The following GRIK4 variants were observed in gnomAD, a reference collection of about 807,000 sequenced individuals.
GRIK4 encodes glutamate receptor ionotropic, kainate 4.
In GRIK4, 40 loss-of-function variants were observed where a neutral mutation model predicts 104.9. The observed-to-expected ratio is 0.38, with a 90% confidence interval of 0.30 to 0.50. GRIK4 has a LOEUF of 0.50. GRIK4 is among the 20% of genes least tolerant of loss of function. GRIK4 has a pLI of 0.93. For synonymous variants in GRIK4, 485 were observed against 524.9 expected, an observed-to-expected ratio of 0.92 and a Z score of 1.04; for missense variants, 1,047 against 1,308.1, an observed-to-expected ratio of 0.80 and a Z score of 3.08.
chr11:120,791,208 G>A (rs1253306573), intron 3 of GRIK4, among the ~76,000 whole-genome samples: 1 of 152,150 alleles, frequency 6.6e-6, no homozygotes, highest in African/African-American at 2.4e-5. Context: ...AGGAAGGGGA[G>A]CGAGGGAAGA....
Position 120,905,992 on chromosome 11 carries a change from T to C in GRIK4, c.1476+499T>C, listed in dbSNP as rs1410752913. 6.6e-6 allele frequency among the ~76,000 whole-genome samples: 1 copy of C among 152,164 alleles called. No individual in the cohort carries two copies. The highest frequency in any genetic ancestry group is 1.5e-5 in the Non-Finnish European group (1 of 68,016). On this transcript the variant is annotated intron_variant, in intron 13 of 20. Coordinates refer to ENST00000527524, the MANE Select transcript of GRIK4 (RefSeq NM_014619.5). The surrounding 1 kb of genome is among the most constrained non-coding windows in gnomAD (Gnocchi z 5.1). The stretch of plus-strand genomic sequence containing the variant: ...TACAGTTATTTTCGTACATCTTGTG[T>C]TATCTTTGGTTAGCGTTAATGTCCT...
chr11:120,702,136 A>G (rs1013931832), intron 3 of GRIK4, among the ~76,000 whole-genome samples: 2 of 152,024 alleles, frequency 1.3e-5, no homozygotes, highest in Non-Finnish European at 2.9e-5. Flanking sequence ...TTGTATTTTT[A>G]GTAGAGATGG....
intron 1 of GRIK4, among the ~76,000 whole-genome samples, chr11:120,606,539 C>T (rs1395240765): frequency 6.6e-6 from 1 of 152,244 alleles, no homozygotes; most frequent in Non-Finnish European, 1.5e-5. Context: ...TGAGCACACT[C>T]ATTCCGTCCA....
chr11:120,893,259 C>T (rs7103391), intron 11 of GRIK4, among the ~76,000 whole-genome samples: 4,113 of 152,254 alleles, frequency 0.027, 178 homozygotes, highest in African/African-American at 0.091. Context: ...AATTTATATC[C>T]ACCTGTGTCC....
At chr11:120,562,934 G>A (rs1462617151) in intron 1 of GRIK4, among the ~76,000 whole-genome samples, 2 of 152,214 alleles carry the variant, frequency 1.3e-5, no homozygotes, top group African/African-American at 4.8e-5. Context: ...CCAGCTGCCT[G>A]GTGGCAGTGG....
intron 3 of GRIK4, among the ~76,000 whole-genome samples, chr11:120,801,956 C>T (rs1952628530): frequency 6.6e-6 from 1 of 152,226 alleles, no homozygotes; most frequent in Non-Finnish European, 1.5e-5. Context: ...AACATTTATC[C>T]TTAACACTGC....
intron 1 of GRIK4, among the ~76,000 whole-genome samples, chr11:120,596,367 TG>T (rs1948801504): frequency 6.6e-6 from 1 of 152,016 alleles, no homozygotes; most frequent in Non-Finnish European, 1.5e-5. Flanking sequence ...AAATGCAACG[TG>T]ATGAGTGTGG....
chr11:120,930,005 G>T (rs950138731), intron 13 of GRIK4, among the ~76,000 whole-genome samples: 4 of 136,540 alleles, frequency 2.9e-5, no homozygotes, highest in East Asian at 2.3e-4. Flanking sequence ...CCACGTTTGG[G>T]GGGGGGGTCC....
chr11:120,621,207 T>C (rs1949183650), intron 1 of GRIK4, among the ~76,000 whole-genome samples: 1 of 152,102 alleles, frequency 6.6e-6, no homozygotes, highest in Admixed American at 6.6e-5. Context: ...GTGGGCACGG[T>C]GAGTCTGCAG....
intron 1 of GRIK4, among the ~76,000 whole-genome samples, chr11:120,595,688 C>A (rs1362838825): frequency 6.6e-6 from 1 of 152,182 alleles, no homozygotes; most frequent in Non-Finnish European, 1.5e-5. Flanking sequence ...AACAGCTCTC[C>A]TCCTTCACCC....
In GRIK4 at chr11:120,728,318, A is replaced by T. The variant is rs74486410; in HGVS notation, c.82+67918A>T. Among the ~76,000 whole-genome samples, 26 of 152,300 alleles carry T rather than the reference A, an allele frequency of 1.7e-4. No individual in the cohort carries two copies. In the South Asian group the frequency reaches 4.6e-3, roughly 27 times the overall value. On this transcript the variant is annotated intron_variant, in intron 3 of 20. Coordinates refer to ENST00000527524, the MANE Select transcript of GRIK4 (RefSeq NM_014619.5). ...AACATGAGCCAAGGATTTTATATTC[A>T]GTAAAATCGACCTTCAAGTGTGAAG...
rs1377111124 is a variant in GRIK4, at chr11:120,905,395, C to T, written c.1378C>T (p.Arg460Ter). The T allele has an allele frequency of 1.9e-6, 3 of 1,613,944 alleles. No homozygotes were observed. The highest frequency in any genetic ancestry group is 1.1e-5 in the South Asian group (1 of 91,070). ...DMLKELAEIL[R>*]FNYKIRLVGD... ...GCTCAAGGAGCTGGCAGAGATCCTC[C>T]GATTCAACTACAAGATCCGCCTGGT... Residue 460 changes from arginine to a stop codon, truncating the protein, a stop_gained, in exon 13 of 21, where the codon CGA becomes TGA. Coordinates refer to ENST00000527524, the MANE Select transcript of GRIK4 (RefSeq NM_014619.5). LOFTEE classifies it high-confidence loss of function. This position sits in a 1 kb window ranked among gnomAD's most constrained non-coding sequence, Gnocchi z 5.1.
chr11:120,712,348 G>A (rs1004055449), intron 3 of GRIK4, among the ~76,000 whole-genome samples: 1 of 152,126 alleles, frequency 6.6e-6, no homozygotes, highest in African/African-American at 2.4e-5. Flanking sequence ...AAGAAACCAG[G>A]CCTGCTGGCC....
chr11:120,660,389 C>A lies in GRIK4; in HGVS notation c.71C>A (p.Ser24Tyr), dbSNP rs201814702. ...GTGATGGTCGCCTGCAGCCCGCACT[C>A]CTTGAGGATCGGTAAGTGTGGCCCA... ...WLVMVACSPH[S>Y]LRIAAILDDP... Residue 24 changes from serine (S) to tyrosine (Y), a missense_variant, in exon 3 of 21, where the codon TCC (serine) becomes TAC (tyrosine). By Grantham distance (144) the Ser-to-Tyr change is moderately radical (BLOSUM62 -2). This residue lies in a region of GRIK4 where 447 missense variants were observed against 514.9 expected (regional missense o/e 0.87). Coordinates refer to ENST00000527524, the MANE Select transcript of GRIK4 (RefSeq NM_014619.5). 6 of 1,612,354 alleles carry A rather than the reference C, an allele frequency of 3.7e-6. No homozygotes were observed. The East Asian group carries it at 1.3e-4, about 36-fold the overall frequency.
chr11:120,796,058 C>T (rs1438701625), intron 3 of GRIK4, among the ~76,000 whole-genome samples: 3 of 133,262 alleles, frequency 2.3e-5, no homozygotes, highest in Non-Finnish European at 3.1e-5. Context: ...TTTTCCAAGA[C>T]GGGGTCTCGC....
intron 15 of GRIK4, among the ~76,000 whole-genome samples, chr11:120,955,247 G>C (rs1437778374): frequency 2.6e-5 from 4 of 152,208 alleles, no homozygotes; most frequent in Non-Finnish European, 5.9e-5. Flanking sequence ...CAACAAAGTG[G>C]GGCACCAGAG....
Position 120,956,766 on chromosome 11 carries a change from C to T in GRIK4, c.1701-14C>T, listed in dbSNP as rs1226166724. The T allele has an allele frequency of 6.5e-7, 1 of 1,543,566 alleles. No individual in the cohort carries two copies. Among genetic ancestry groups the T allele is most frequent in the Non-Finnish European group, 8.8e-7 (1 of 1,136,810 alleles). ...GCCTCTGTGGCACTAGTGTATGTTC[C>T]TTTTCTCCCACAGGTTGACGCCCTA... On this transcript the variant is annotated splice_polypyrimidine_tract_variant and intron_variant, in intron 15 of 20. Coordinates refer to ENST00000527524, the MANE Select transcript of GRIK4 (RefSeq NM_014619.5). The surrounding 1 kb of genome is among the most constrained non-coding windows in gnomAD (Gnocchi z 4.6).
intron 3 of GRIK4, among the ~76,000 whole-genome samples, chr11:120,724,836 A>G (rs969869972): frequency 1.3e-5 from 2 of 152,228 alleles, no homozygotes; most frequent in Non-Finnish European, 2.9e-5. Context: ...TTGGAAAATC[A>G]TATCACCCTC....
At chr11:120,810,639 T>C (rs1436854222) in intron 4 of GRIK4, among the ~76,000 whole-genome samples, 1 of 152,112 alleles carries the variant, frequency 6.6e-6, no homozygotes, top group Non-Finnish European at 1.5e-5. Context: ...TAAAAAAGGA[T>C]AGAAAATAAA....
Sources: allele counts gnomAD v4.1 joint callset (sites outside exome capture counted in the v4.1 genomes callset), GRCh38; gene constraint gnomAD v4.1.1; regional missense constraint gnomAD v4.1.1; non-coding constraint Gnocchi (gnomAD v3.1); transcripts MANE v1.5; gene names NCBI Gene and HGNC (gene_info 2026-07-23, HGNC 2026-07-21).